NRG1: variants seen among roughly 807,000 people sequenced by gnomAD.
NRG1 encodes neuregulin 1.
A neutral mutation model predicts 63.8 loss-of-function variants in NRG1; 18 were observed. The ratio of observed to expected loss-of-function variants is 0.28; its 90% CI spans 0.19 to 0.42. The LOEUF is 0.42. Ranked by LOEUF, NRG1 falls within the 10% of genes least tolerant of loss-of-function variation. The pLI is 1.00. For synonymous variants in NRG1, 302 were observed against 301.3 expected, an observed-to-expected ratio of 1.00 and a Z score of -0.02; for missense variants, 762 against 814.7, an observed-to-expected ratio of 0.94 and a Z score of 0.79.
intron 1 of NRG1, among the ~76,000 whole-genome samples, chr8:32,155,492 A>T (rs890221033): frequency 4.6e-5 from 7 of 152,166 alleles, no homozygotes; most frequent in African/African-American, 1.7e-4. Context: ...TCTTGCATTA[A>T]ATTGACTATC....
Position 31,651,172 on chromosome 8 carries a change from G to C in NRG1, c.37+11741G>C, listed in dbSNP as rs141174882. On this transcript the variant is annotated intron_variant, in intron 1 of 10. Transcript: ENST00000519301. The stretch of plus-strand genomic sequence containing the variant: ...AATGAGAGGGAACCTTCAAGGGAAG[G>C]TGTCTCTTTTCTCCAAATCTTATCT... 7.5e-3 allele frequency among the ~76,000 whole-genome samples: 1,139 copies of C among 152,254 alleles called. 10 individuals are homozygous for C. The highest frequency in any genetic ancestry group is 0.026 in the African/African-American group (1,068 of 41,552).
chr8:31,761,816 A>T (rs1307382738), intron 1 of NRG1, among the ~76,000 whole-genome samples: 1 of 152,214 alleles, frequency 6.6e-6, no homozygotes, highest in Non-Finnish European at 1.5e-5. Context: ...CGGAGAGATG[A>T]AGGAAGCACA....
Position 31,729,935 on chromosome 8 carries a change from G to T in NRG1, c.37+90504G>T, listed in dbSNP as rs557483905. On this transcript the variant is annotated intron_variant, in intron 1 of 10. Coordinates refer to the NRG1 transcript ENST00000519301. The stretch of plus-strand genomic sequence containing the variant: ...TGGAGGAGCCCAATTCTTTCTCTAA[G>T]TGGGACCAGAGAAAAATTTCCCCTT... Among the ~76,000 whole-genome samples the T allele has an allele frequency of 5.3e-5, 8 of 152,220 alleles. No individual in the cohort carries two copies. In the South Asian group the frequency reaches 1.7e-3, roughly 32 times the overall value.
At chr8:32,705,849 C>T (rs1816267581) in intron 5 of NRG1, among the ~76,000 whole-genome samples, 1 of 152,150 alleles carries the variant, frequency 6.6e-6, no homozygotes, top group Non-Finnish European at 1.5e-5. Context: ...CAATGAGTCC[C>T]ATTGAAAAAC....
chr8:32,600,406 A>G (rs1016413351), intron 2 of NRG1, among the ~76,000 whole-genome samples: 1 of 152,118 alleles, frequency 6.6e-6, no homozygotes, highest in African/African-American at 2.4e-5. Flanking sequence ...CTGTATAAAC[A>G]GAAGAGTTCT....
At chr8:31,911,982 C>G (rs1419962252) in intron 1 of NRG1, among the ~76,000 whole-genome samples, 1 of 152,132 alleles carries the variant, frequency 6.6e-6, no homozygotes, top group Non-Finnish European at 1.5e-5. Context: ...GTTGCTTAAA[C>G]TTGGGCATGT....
At chr8:32,111,999 G>A (rs1563800241) in intron 1 of NRG1, among the ~76,000 whole-genome samples, 1 of 152,146 alleles carries the variant, frequency 6.6e-6, no homozygotes, top group East Asian at 1.9e-4. Context: ...GGGAAAAATG[G>A]TGGCAATAAT....
intron 1 of NRG1, among the ~76,000 whole-genome samples, chr8:31,986,680 A>G (rs1308296258): frequency 2.0e-5 from 3 of 152,140 alleles, no homozygotes; most frequent in Non-Finnish European, 2.9e-5. Flanking sequence ...TTGGCCAGCT[A>G]TTAATATCAT....
chr8:32,042,664 T>A (rs1217081383), intron 1 of NRG1, among the ~76,000 whole-genome samples: 1 of 152,032 alleles, frequency 6.6e-6, no homozygotes, highest in Non-Finnish European at 1.5e-5. Flanking sequence ...TCTCTTTATA[T>A]GAATTGAAAG....
rs1442011601 is a variant in NRG1 at position 32,625,774 on chromosome 8, CTTTTTTTTTTTTTCTTTTTTCT to C, written c.502+8906_502+8927del. ...TTAGATCACTGAAAACTTTCCCTCT[CTTTTTTTTTTTTTCTTTTTTCT>C]TTTTTTTTTTTTTCTTGAGACGGAG... is the stretch of plus-strand genomic sequence containing the variant. On this transcript the variant is annotated intron_variant, in intron 5 of 11. Coordinates refer to ENST00000356819, the Ensembl canonical transcript of NRG1. Among the ~76,000 whole-genome samples the C allele has an allele frequency of 5.9e-3, 755 of 128,672 alleles. 7 individuals are homozygous for C. Among genetic ancestry groups the C allele is most frequent in the Non-Finnish European group, 5.4e-3 (325 of 60,128 alleles). The allele number at this position is 128,672 out of a possible 152,430, so 84.4% of individuals were successfully genotyped here. A position where few individuals can be genotyped will look rare whatever the true frequency, so the allele number is the denominator to read the frequency against.
intron 1 of NRG1, among the ~76,000 whole-genome samples, chr8:32,162,614 G>C (rs1485717923): frequency 6.6e-6 from 1 of 152,010 alleles, no homozygotes; most frequent in Non-Finnish European, 1.5e-5. Context: ...CCCCCATCCA[G>C]GGGAAATATT....
chr8:31,980,958 A>G (rs1156615043), intron 1 of NRG1, among the ~76,000 whole-genome samples: 2 of 152,052 alleles, frequency 1.3e-5, no homozygotes, highest in African/African-American at 4.8e-5. Context: ...AAAAGGGATT[A>G]TTAAATATTT....
intron 7 of NRG1, among the ~76,000 whole-genome samples, chr8:32,747,732 G>GTATATATATATATATATA (rs35663919): frequency 6.1e-4 from 80 of 132,102 alleles, no homozygotes; most frequent in African/African-American, 1.7e-3. Flanking sequence ...ATGTGTGTGT[G>GTATATATATATATATATA]TATATATATA....
At chr8:31,851,091 A>G (rs1042816513) in intron 1 of NRG1, among the ~76,000 whole-genome samples, 3 of 152,206 alleles carry the variant, frequency 2.0e-5, no homozygotes, top group African/African-American at 7.2e-5. Flanking sequence ...TCATAAAGAG[A>G]TAGGACATCT....
At chr8:32,467,601 G>A (rs1649637314) in intron 1 of NRG1, among the ~76,000 whole-genome samples, 1 of 152,186 alleles carries the variant, frequency 6.6e-6, no homozygotes. Context: ...TGAGTTCCTA[G>A]TAGGGGCCAC....
chr8:31,941,814 A>G (rs327352), intron 1 of NRG1, among the ~76,000 whole-genome samples: 136,733 of 152,166 alleles, frequency 0.9, 62,223 homozygotes, highest in African/African-American at 0.97. Context: ...AATAAAATAC[A>G]TAGGAATATA....
In NRG1 at chr8:31,727,004, CT is replaced by C. The variant is rs200962383; in HGVS notation, c.37+87575del. 4.5e-3 allele frequency among the ~76,000 whole-genome samples: 683 copies of C among 152,200 alleles called. 9 individuals are homozygous for C. Among genetic ancestry groups the C allele is most frequent in the African/African-American group, 0.015 (642 of 41,542 alleles). On this transcript the variant is annotated intron_variant, in intron 1 of 10. Transcript: ENST00000519301. ...AGTGTGTCCATTACAACAGGCTATT[CT>C]TATGATTGAAAAACGATTGTCTAAG... is the stretch of plus-strand genomic sequence containing the variant.
intron 1 of NRG1, among the ~76,000 whole-genome samples, chr8:31,727,531 A>C (rs548260995): frequency 6.6e-6 from 1 of 152,314 alleles, no homozygotes; most frequent in African/African-American, 2.4e-5. Flanking sequence ...CCTGGCACAT[A>C]AAATGGGTAG....
intron 1 of NRG1, among the ~76,000 whole-genome samples, chr8:31,747,678 C>G (rs1177911195): frequency 4.0e-5 from 6 of 151,864 alleles, no homozygotes; most frequent in African/African-American, 1.5e-4. Flanking sequence ...TGACCTTGGC[C>G]ATGTTAGTTG....
Sources: gnomAD v4.1 joint callset for allele counts (sites outside exome capture counted in the v4.1 genomes callset) on GRCh38, gnomAD v4.1.1 for gene constraint, MANE v1.5 for transcripts, NCBI Gene and HGNC (gene_info 2026-07-23, HGNC 2026-07-21) for gene names.